The following NTM variants were observed in gnomAD, a reference collection of about 807,000 sequenced individuals.
NTM encodes the protein neurotrimin.
In NTM, 13 loss-of-function variants were observed where a neutral mutation model predicts 42.1. That is an observed-to-expected ratio of 0.31 (90% CI 0.20 to 0.49). NTM has a LOEUF of 0.49. Among genes scored for constraint, NTM ranks in the 20% least tolerant of loss-of-function variants. The pLI is 0.99. For synonymous variants in NTM, 187 were observed against 179.2 expected (o/e 1.04, Z -0.35); for missense variants, 373 against 452.8 (o/e 0.82, Z 1.60).
chr11:131,919,772 A>G (rs774509969), intron 2 of NTM, among the ~76,000 whole-genome samples: 139 of 152,296 alleles, frequency 9.1e-4, no homozygotes, highest in Non-Finnish European at 1.3e-3. Context: ...GTGTGCATAT[A>G]TGTGTATATA....
At chr11:131,932,981 G>A (rs1359079234) in intron 2 of NTM, among the ~76,000 whole-genome samples, 1 of 152,200 alleles carries the variant, frequency 6.6e-6, no homozygotes, top group African/African-American at 2.4e-5. Flanking sequence ...ATAGACAGGG[G>A]AGCAGAGCCA....
At chr11:132,055,231 A>G (rs1235846685) in intron 2 of NTM, among the ~76,000 whole-genome samples, 3 of 152,178 alleles carry the variant, frequency 2.0e-5, no homozygotes, top group Non-Finnish European at 4.4e-5. Context: ...AGGATAATGA[A>G]CGCAGCTGTT....
intron 1 of NTM, among the ~76,000 whole-genome samples, chr11:131,684,018 G>C (rs2073431261): frequency 6.6e-6 from 1 of 152,200 alleles, no homozygotes; most frequent in African/African-American, 2.4e-5. Context: ...AGCAGAGTTG[G>C]GTTCTAATTC....
intron 3 of NTM, among the ~76,000 whole-genome samples, chr11:132,199,063 T>C (rs1414140801): frequency 6.6e-6 from 1 of 152,216 alleles, no homozygotes; most frequent in East Asian, 1.9e-4. Context: ...GTGAATTCTT[T>C]GGTAGAACAG....
At chr11:132,049,465 T>C (rs954871131) in intron 2 of NTM, among the ~76,000 whole-genome samples, 1 of 152,184 alleles carries the variant, frequency 6.6e-6, no homozygotes, top group African/African-American at 2.4e-5. Context: ...GTTGTGAGGC[T>C]GAAGAGCAGC....
chr11:132,136,934 T>C (rs2068042713), intron 2 of NTM, among the ~76,000 whole-genome samples: 1 of 152,206 alleles, frequency 6.6e-6, no homozygotes, highest in Admixed American at 6.5e-5. Flanking sequence ...ATCTCCTTCA[T>C]AGTCGCACTA....
Position 131,834,625 on chromosome 11 carries a change from C to CATATATATATATATATATAT in NTM, c.83-76938_83-76919dup, listed in dbSNP as rs10604283. Among the ~76,000 whole-genome samples, 1,160 of 133,808 alleles carry CATATATATATATATATATAT rather than the reference C, an allele frequency of 8.7e-3. 21 individuals carry two copies. The highest frequency in any genetic ancestry group is 0.013 in the Non-Finnish European group (830 of 62,424). 87.8% of individuals were successfully genotyped at this position (133,808 alleles called of 152,430 possible). Reference sequence around the variant, plus strand: ...TAGTGTGTGTATATATATACATATACATATATATATATATATATATGTATA... The same window carrying CATATATATATATATATATAT: ...TAGTGTGTGTATATATATACATATACATATATATATATATATATATATATATATATATATATATATGTATA... On this transcript the variant is annotated intron_variant, in intron 1 of 8. Coordinates refer to ENST00000683400, the MANE Select transcript of NTM (RefSeq NM_001352005.2).
chr11:131,450,305 G>C (rs986409221), intron 1 of NTM, among the ~76,000 whole-genome samples: 1 of 152,184 alleles, frequency 6.6e-6, no homozygotes, highest in Non-Finnish European at 1.5e-5. Flanking sequence ...GTGAGGAAGT[G>C]GGGGAGTCAT....
chr11:132,043,915 G>A lies in NTM; in HGVS notation c.168-102367G>A, dbSNP rs181095122. The stretch of plus-strand genomic sequence containing the variant: ...AGAAGGCCCAATCTTGGGATAAATG[G>A]CATTACTGCCATCTCAGCATTTTAA... On this transcript the variant is annotated intron_variant, in intron 2 of 8. Coordinates refer to ENST00000683400, the MANE Select transcript of NTM (RefSeq NM_001352005.2). Among the ~76,000 whole-genome samples the A allele has an allele frequency of 2.7e-3, 409 of 151,988 alleles. 1 individual carries two copies. Among genetic ancestry groups the A allele is most frequent in the Non-Finnish European group, 4.9e-3 (336 of 67,968 alleles).
At chr11:131,782,107 T>G in intron 1 of NTM, among the ~76,000 whole-genome samples, 1 of 152,238 alleles carries the variant, frequency 6.6e-6, no homozygotes, top group South Asian at 2.1e-4. Flanking sequence ...CAGGAAAACG[T>G]TTATTATTTG....
At chr11:132,276,055 T>C (rs2093715762) in intron 4 of NTM, among the ~76,000 whole-genome samples, 1 of 149,692 alleles carries the variant, frequency 6.7e-6, no homozygotes, top group Non-Finnish European at 1.5e-5. Context: ...TGACTTTTAA[T>C]TTTTTTTTTA....
At chr11:132,041,649 T>A (rs778804228) in intron 2 of NTM, among the ~76,000 whole-genome samples, 10 of 152,116 alleles carry the variant, frequency 6.6e-5, no homozygotes, top group Non-Finnish European at 1.0e-4. Flanking sequence ...CTCTCCACGG[T>A]AAATGGGAGC....
chr11:131,449,691 G>A (rs1950337539), intron 1 of NTM, among the ~76,000 whole-genome samples: 1 of 152,180 alleles, frequency 6.6e-6, no homozygotes, highest in Non-Finnish European at 1.5e-5. Context: ...GCCCTTCAGA[G>A]AAGCGTGTGT....
chr11:132,029,297 G>A (rs546306457), intron 2 of NTM, among the ~76,000 whole-genome samples: 6 of 151,624 alleles, frequency 4.0e-5, no homozygotes, highest in Admixed American at 6.6e-5. Context: ...CCAGTAACTC[G>A]TCATTTAACA....
At chr11:132,188,200 T>A (rs2078734820) in intron 3 of NTM, among the ~76,000 whole-genome samples, 1 of 152,132 alleles carries the variant, frequency 6.6e-6, no homozygotes, top group Admixed American at 6.5e-5. Context: ...CATCCTGCAA[T>A]GCACAGGACA....
At chr11:131,376,646 C>A in intron 1 of NTM, among the ~76,000 whole-genome samples, 1 of 149,956 alleles carries the variant, frequency 6.7e-6, no homozygotes, top group East Asian at 1.9e-4. Flanking sequence ...TTACTAAGGA[C>A]ATCTTAGGTT....
At chr11:132,303,545 C>G (rs921012418) in intron 4 of NTM, among the ~76,000 whole-genome samples, 9 of 152,208 alleles carry the variant, frequency 5.9e-5, no homozygotes, top group African/African-American at 2.2e-4. Flanking sequence ...TTGTAAAGAC[C>G]TTTTTCCAAA....
At chr11:131,832,297 C>A (rs1375155047) in intron 1 of NTM, among the ~76,000 whole-genome samples, 1 of 151,698 alleles carries the variant, frequency 6.6e-6, no homozygotes. Context: ...GTCTGAGAGA[C>A]AAAATTCAGT....
intron 1 of NTM, among the ~76,000 whole-genome samples, chr11:131,501,772 A>G (rs969559772): frequency 6.6e-6 from 1 of 152,178 alleles, no homozygotes; most frequent in Non-Finnish European, 1.5e-5. Context: ...AGAAAGCAAA[A>G]TCACTGGCGA....
Sources: allele counts gnomAD v4.1 joint callset (sites outside exome capture counted in the v4.1 genomes callset), GRCh38; gene constraint gnomAD v4.1.1; transcripts MANE v1.5; gene names NCBI Gene and HGNC (gene_info 2026-07-23, HGNC 2026-07-21).